Variants in EPHA4 observed in about 807,000 individuals in gnomAD.
EPHA4 encodes the protein ephrin type-A receptor 4.
In EPHA4, 19 loss-of-function variants were observed where a neutral mutation model predicts 108.3. The ratio of observed to expected loss-of-function variants is 0.18; its 90% CI spans 0.12 to 0.26. The LOEUF (loss-of-function observed/expected upper bound fraction) is 0.26, where lower values mean the gene tolerates loss of function less well. Among genes scored for constraint, EPHA4 ranks in the 10% least tolerant of loss-of-function variants. EPHA4 has a pLI of 1.00. For synonymous variants in EPHA4, 449 were observed against 455.5 expected (o/e 0.99, Z 0.18); for missense variants, 917 against 1,254.0 (o/e 0.73, Z 4.06).
intron 14 of EPHA4, among the ~76,000 whole-genome samples, chr2:221,433,773 T>C (rs1413688399): frequency 6.6e-6 from 1 of 152,256 alleles, no homozygotes; most frequent in Non-Finnish European, 1.5e-5. Context: ...AAGCCTTTCA[T>C]GTCCGTTTTA....
chr2:221,567,144 T>G (rs1451548336), intron 2 of EPHA4, among the ~76,000 whole-genome samples: 1 of 152,174 alleles, frequency 6.6e-6, no homozygotes, highest in African/African-American at 2.4e-5. Context: ...CAAGTCAGGT[T>G]CAAAATTTGA....
At chr2:221,512,947 G>T (rs944556779) in intron 3 of EPHA4, among the ~76,000 whole-genome samples, 1 of 152,190 alleles carries the variant, frequency 6.6e-6, no homozygotes, top group Non-Finnish European at 1.5e-5. Context: ...GGTGCTTTGA[G>T]ACTTTCCTGG....
intron 8 of EPHA4, among the ~76,000 whole-genome samples, chr2:221,453,433 G>A (rs371003663): frequency 1.2e-4 from 18 of 152,028 alleles, no homozygotes; most frequent in East Asian, 1.9e-4. Context: ...TACAGTTCCC[G>A]GTGGTTATAT....
At chr2:221,514,408 A>C (rs1692931017) in intron 3 of EPHA4, among the ~76,000 whole-genome samples, 1 of 152,142 alleles carries the variant, frequency 6.6e-6, no homozygotes, top group Non-Finnish European at 1.5e-5. Flanking sequence ...AGTCCTTCTC[A>C]CAGCATGGCA....
chr2:221,491,521 A>G (rs766763925), intron 4 of EPHA4, among the ~76,000 whole-genome samples: 1 of 152,218 alleles, frequency 6.6e-6, no homozygotes, highest in African/African-American at 2.4e-5. Flanking sequence ...AGAGATACAA[A>G]TAATATAAAG....
chr2:221,522,478 C>G (rs374033865), intron 3 of EPHA4, among the ~76,000 whole-genome samples: 1 of 152,208 alleles, frequency 6.6e-6, no homozygotes, highest in South Asian at 2.1e-4. Context: ...AAATGATATA[C>G]GGTAACAGAT....
chr2:221,479,689 G>C (rs1442799599), intron 5 of EPHA4, among the ~76,000 whole-genome samples: 1 of 152,114 alleles, frequency 6.6e-6, no homozygotes, highest in South Asian at 2.1e-4. Context: ...ATGAAGAAAG[G>C]GTTTGTTAAT....
At chr2:221,537,439 A>G (rs1693706133) in intron 3 of EPHA4, among the ~76,000 whole-genome samples, 1 of 152,230 alleles carries the variant, frequency 6.6e-6, no homozygotes, top group Non-Finnish European at 1.5e-5. Context: ...TTTGATTTCC[A>G]AAAATTAAAT....
intron 3 of EPHA4, among the ~76,000 whole-genome samples, chr2:221,540,470 C>A (rs533064391): frequency 6.6e-6 from 1 of 152,194 alleles, no homozygotes; most frequent in Admixed American, 6.5e-5. Context: ...TTGATCAACT[C>A]ATTTTTTCCC....
chr2:221,475,451 C>A (rs1277232035), intron 5 of EPHA4, among the ~76,000 whole-genome samples: 1 of 152,038 alleles, frequency 6.6e-6, no homozygotes, highest in Non-Finnish European at 1.5e-5. Context: ...TAAATGTTAC[C>A]CATCACATCC....
At position 221,568,779 on chromosome 2, in the gene EPHA4, A is replaced by G; in HGVS notation, c.98T>C (p.Leu33Ser). The G allele has an allele frequency of 6.2e-7, 1 of 1,613,126 alleles. No individual in the cohort carries two copies. The highest frequency in any genetic ancestry group is 8.5e-7 in the Non-Finnish European group (1 of 1,179,712). ...SRVYPANEVTLLDSRSVQGEL... is the reference protein window; with the variant it reads ...SRVYPANEVTSLDSRSVQGEL... ...TCCCTGAACAGATCTGGAATCCAAT[A>G]AGGTAACTGCAAAAAACAAAAGAAA... The change falls in exon 2 of 18, where the codon TTA becomes TCA. Residue 33 changes from leucine to serine, a missense_variant. By Grantham distance (145) the Leu-to-Ser change is moderately radical. Coordinates refer to ENST00000281821, the MANE Select transcript of EPHA4 (RefSeq NM_004438.5).
intron 5 of EPHA4, among the ~76,000 whole-genome samples, chr2:221,481,082 A>G (rs931274735): frequency 2.0e-5 from 3 of 152,202 alleles, no homozygotes; most frequent in African/African-American, 7.2e-5. Context: ...AACTCTCCAG[A>G]AATAAAAAAG....
chr2:221,519,648 C>A (rs912612891), intron 3 of EPHA4, among the ~76,000 whole-genome samples: 2 of 152,190 alleles, frequency 1.3e-5, no homozygotes, highest in Non-Finnish European at 2.9e-5. Context: ...CAACAACCAA[C>A]CTAATGTAAG....
intron 5 of EPHA4, among the ~76,000 whole-genome samples, chr2:221,460,488 AG>A (rs1326045290): frequency 2.0e-5 from 3 of 152,220 alleles, no homozygotes; most frequent in Non-Finnish European, 4.4e-5. Flanking sequence ...GCATGTTATC[AG>A]GGCACAATGA....
At chr2:221,437,024 C>G (rs1280413149) in intron 12 of EPHA4, 37 bp downstream of exon 12, 1 of 1,509,238 alleles carries the variant, frequency 6.6e-7, no homozygotes, top group Admixed American at 1.7e-5. Flanking sequence ...TTTCTAAATA[C>G]CAACATTCTT....
chr2:221,446,068 T>C (rs1690585573), intron 9 of EPHA4, 55 bp downstream of exon 9: 2 of 1,179,468 alleles, frequency 1.7e-6, no homozygotes, highest in Non-Finnish European at 2.4e-6. Context: ...ATGTTTAAAC[T>C]AGAAAACGTG....
intron 3 of EPHA4, 26 bp downstream of exon 3, chr2:221,563,705 A>C: frequency 6.2e-7 from 1 of 1,607,066 alleles, no homozygotes; most frequent in South Asian, 1.1e-5. Context: ...GCCCCAGTGA[A>C]AAAACTGCAA....
Position 221,421,068 on chromosome 2 carries a change from T to C in EPHA4, c.*820-516A>G, listed in dbSNP as rs372316028. 7.6e-4 allele frequency among the ~76,000 whole-genome samples: 115 copies of C among 152,136 alleles called. 1 individual carries two copies. In the East Asian group the frequency reaches 0.02, roughly 26 times the overall value. On this transcript the variant is annotated intron_variant, in intron 17 of 17. Transcript: ENST00000281821. ...AATCCCAGCGTTTTGGGAGCCGAGG[T>C]GGGCGGATCACGAGGTCAGGAGATT...
In EPHA4 at chr2:221,564,381, C is replaced by T. The variant is rs762225060; in HGVS notation, c.173G>A (p.Ser58Asn). The T allele has an allele frequency of 3.7e-6, 6 of 1,610,342 alleles. No homozygotes were observed. The highest frequency in any genetic ancestry group is 5.1e-6 in the Non-Finnish European group (6 of 1,176,870). Reference protein sequence around the residue: ...SPLEGGWEEVSIMDEKNTPIR... With the variant: ...SPLEGGWEEVNIMDEKNTPIR... ...TGGTGTATTTTTTTCATCCATGATACTCACTTCCTCCCACTGCAAAGATCC... is the reference window on the plus strand; with the variant it reads ...TGGTGTATTTTTTTCATCCATGATATTCACTTCCTCCCACTGCAAAGATCC... The change falls in exon 3 of 18, where the codon AGT becomes AAT. Residue 58 changes from serine (S) to asparagine (N), a missense_variant. By Grantham distance (46) the Ser-to-Asn change is conservative. This residue lies in a region of EPHA4 where 758 missense variants were observed against 1,076.7 expected (regional missense o/e 0.70). Coordinates refer to ENST00000281821, the MANE Select transcript of EPHA4 (RefSeq NM_004438.5).
Sources: gnomAD v4.1 joint callset for allele counts (sites outside exome capture counted in the v4.1 genomes callset) on GRCh38, gnomAD v4.1.1 for gene constraint, gnomAD v4.1.1 regional missense constraint, MANE v1.5 for transcripts, NCBI Gene and HGNC (gene_info 2026-07-23, HGNC 2026-07-21) for gene names.